Variants in IMMP2L observed in about 807,000 individuals in gnomAD.
IMMP2L encodes mitochondrial inner membrane protease subunit 2.
Under a neutral mutation model 19.3 loss-of-function variants are expected in IMMP2L, and 18 were observed. The observed-to-expected ratio is 0.93, with a 90% confidence interval of 0.64 to 1.38. IMMP2L has a LOEUF of 1.38. Ranked by LOEUF, IMMP2L falls within the 40% of genes most tolerant of loss-of-function variation. The probability of loss-of-function intolerance (pLI) is 0.00; values close to 1 mark genes in which losing one functional copy is unlikely to be tolerated. For missense variants in IMMP2L, 233 were observed against 218.2 expected, an observed-to-expected ratio of 1.07 and a Z score of -0.43; for synonymous variants, 76 against 73.0, an observed-to-expected ratio of 1.04 and a Z score of -0.21.
intron 3 of IMMP2L, among the ~76,000 whole-genome samples, chr7:111,470,521 C>T (rs1230971854): frequency 2.0e-5 from 3 of 151,776 alleles, no homozygotes; most frequent in Non-Finnish European, 4.4e-5. Context: ...GGCACATATA[C>T]ACCATGGAAT....
chr7:111,555,002 T>C (rs1791102153), intron 1 of IMMP2L, among the ~76,000 whole-genome samples: 2 of 152,066 alleles, frequency 1.3e-5, no homozygotes, highest in Non-Finnish European at 2.9e-5. Context: ...CCTTGAGAAG[T>C]AGGATATAAA....
intron 3 of IMMP2L, among the ~76,000 whole-genome samples, chr7:110,989,531 C>CAA (rs778163183): frequency 2.1e-4 from 13 of 60,898 alleles, no homozygotes; most frequent in Non-Finnish European, 3.3e-4. Flanking sequence ...CTCTGTCTCC[C>CAA]AAAAAAAAAA....
chr7:110,883,282 T>G (rs924632366), intron 5 of IMMP2L, among the ~76,000 whole-genome samples: 1 of 151,960 alleles, frequency 6.6e-6, no homozygotes, highest in African/African-American at 2.4e-5. Context: ...AGTTGTCTGT[T>G]TATCATCACT....
intron 3 of IMMP2L, among the ~76,000 whole-genome samples, chr7:111,160,258 CA>C (rs1418081737): frequency 6.6e-6 from 1 of 151,804 alleles, no homozygotes; most frequent in African/African-American, 2.4e-5. Context: ...ATAAGTTATC[CA>C]AAAATATTAT....
intron 3 of IMMP2L, among the ~76,000 whole-genome samples, chr7:111,015,276 G>C (rs929659374): frequency 1.3e-5 from 2 of 152,050 alleles, no homozygotes; most frequent in Non-Finnish European, 2.9e-5. Context: ...CTTTGAAAAC[G>C]TTATGCTGAG....
At chr7:110,920,929 T>C (rs920375564) in intron 4 of IMMP2L, among the ~76,000 whole-genome samples, 3 of 152,196 alleles carry the variant, frequency 2.0e-5, no homozygotes, top group African/African-American at 7.2e-5. Context: ...GGCTTAACAC[T>C]ACAGACTTTA....
intron 4 of IMMP2L, among the ~76,000 whole-genome samples, chr7:110,903,773 T>A (rs1812162013): frequency 6.6e-6 from 1 of 151,070 alleles, no homozygotes; most frequent in African/African-American, 2.5e-5. Context: ...AGCTCTGTTT[T>A]CACTTTTTTT....
At chr7:111,447,835 T>C (rs1838667735) in intron 3 of IMMP2L, among the ~76,000 whole-genome samples, 2 of 151,580 alleles carry the variant, frequency 1.3e-5, no homozygotes, top group Admixed American at 6.6e-5. Context: ...GAGACACACA[T>C]AGGCTCAAAA....
chr7:111,384,107 G>A (rs1379650581), intron 3 of IMMP2L, among the ~76,000 whole-genome samples: 5 of 152,006 alleles, frequency 3.3e-5, no homozygotes, highest in South Asian at 4.2e-4. Context: ...CTATACCAGT[G>A]CACTCCAGCC....
intron 3 of IMMP2L, among the ~76,000 whole-genome samples, chr7:111,192,976 T>A (rs1037470996): frequency 2.0e-5 from 3 of 151,998 alleles, no homozygotes; most frequent in African/African-American, 7.3e-5. Flanking sequence ...AATTGGGAAG[T>A]CCTTGGCAAC....
At chr7:110,670,641 G>A (rs1791834300) in intron 5 of IMMP2L, among the ~76,000 whole-genome samples, 1 of 145,670 alleles carries the variant, frequency 6.9e-6, no homozygotes, top group African/African-American at 2.6e-5. Context: ...AGTGAGCTGA[G>A]ATCATGCCAC....
At chr7:111,442,804 A>C (rs903431654) in intron 3 of IMMP2L, among the ~76,000 whole-genome samples, 2 of 151,940 alleles carry the variant, frequency 1.3e-5, no homozygotes, top group Admixed American at 6.6e-5. Context: ...CAGGAGAGTA[A>C]GTGGTTTTAA....
Position 110,743,461 on chromosome 7 carries a change from T to A in IMMP2L, c.409-79740A>T, listed in dbSNP as rs1033329925. ...ATTTAAAATGTTTTTTTAAAAAAAA[T>A]AATTTCCAGTTGCTGGCAAGATGGC... On this transcript the variant is annotated intron_variant, in intron 5 of 5. Transcript: ENST00000405709. Among the ~76,000 whole-genome samples the A allele has an allele frequency of 2.0e-5, 3 of 152,150 alleles. No homozygotes were observed. In the South Asian group the frequency reaches 6.2e-4, roughly 32 times the overall value.
chr7:110,820,322 A>C (rs941647094), intron 5 of IMMP2L, among the ~76,000 whole-genome samples: 3 of 152,086 alleles, frequency 2.0e-5, no homozygotes, highest in Non-Finnish European at 2.9e-5. Context: ...CTAATGTTCA[A>C]TAACTTTACC....
chr7:111,228,587 A>G (rs940300959), intron 3 of IMMP2L, among the ~76,000 whole-genome samples: 1 of 152,072 alleles, frequency 6.6e-6, no homozygotes, highest in Non-Finnish European at 1.5e-5. Context: ...AAGTGCAAGA[A>G]GACTGGGGAA....
intron 3 of IMMP2L, among the ~76,000 whole-genome samples, chr7:111,075,423 C>T (rs1435243777): frequency 3.3e-5 from 5 of 152,084 alleles, no homozygotes; most frequent in African/African-American, 1.2e-4. Flanking sequence ...CCACTGCACC[C>T]GACCTTGTTT....
At chr7:111,462,439 A>T (rs554605808) in intron 3 of IMMP2L, among the ~76,000 whole-genome samples, 1 of 152,304 alleles carries the variant, frequency 6.6e-6, no homozygotes, top group East Asian at 1.9e-4. Context: ...AACACAGTTA[A>T]TTACATCCAG....
intron 3 of IMMP2L, among the ~76,000 whole-genome samples, chr7:110,982,968 C>T (rs1821459265): frequency 2.6e-5 from 4 of 151,942 alleles, no homozygotes; most frequent in African/African-American, 9.7e-5. Context: ...TAATTATAAC[C>T]CCCTTAATAT....
At chr7:110,922,998 T>C (rs573794594) in intron 4 of IMMP2L, among the ~76,000 whole-genome samples, 132 of 152,280 alleles carry the variant, frequency 8.7e-4, no homozygotes, top group South Asian at 3.5e-3. Context: ...TACGAATTTC[T>C]ACCTGTAAAG....
Sources: allele counts gnomAD v4.1 joint callset (sites outside exome capture counted in the v4.1 genomes callset), GRCh38; gene constraint gnomAD v4.1.1; transcripts MANE v1.5; gene names NCBI Gene and HGNC (gene_info 2026-07-23, HGNC 2026-07-21).